The following MFSD1 variants were observed in gnomAD, a reference collection of about 807,000 sequenced individuals.
The protein encoded by MFSD1 is major facilitator superfamily domain containing 1, also known as lysosomal dipeptide transporter MFSD1.
MFSD1 carries 59 observed loss-of-function variants against 67.1 expected under a neutral mutation model. That is an observed-to-expected ratio of 0.88 (90% CI 0.71 to 1.09). The LOEUF is 1.09. Among genes scored for constraint, MFSD1 ranks in the 50% least tolerant of loss-of-function variants. The pLI, the probability that MFSD1 is intolerant of heterozygous loss-of-function variation, is 0.00. For missense variants in MFSD1, 552 were observed against 566.1 expected, an observed-to-expected ratio of 0.97 and a Z score of 0.25; for synonymous variants, 213 against 200.3, an observed-to-expected ratio of 1.06 and a Z score of -0.54.
At chr3:158,808,834 G>A (rs1729856296) in intron 5 of MFSD1, among the ~76,000 whole-genome samples, 2 of 152,136 alleles carry the variant, frequency 1.3e-5, no homozygotes, top group African/African-American at 4.8e-5. Context: ...ACCTGGACTG[G>A]GATGCCTCAA....
Position 158,823,511 on chromosome 3 carries a change from A to G in MFSD1, c.1161A>G (p.Gly387=), listed in dbSNP as rs1459632940. 6.2e-7 allele frequency: 1 copy of G among 1,610,806 alleles called. No individual in the cohort carries two copies. The highest frequency in any genetic ancestry group is 1.3e-5 in the African/African-American group (1 of 74,832). ...VAFVVPEHQL[G]TAYGFMQSIQ... is the part of the protein sequence containing the mutation. ...TTGTAGTTCCTGAACATCAGCTGGGAACTGCATATGGCTTGTAAGTATTTA... is the reference window on the plus strand; with the variant it reads ...TTGTAGTTCCTGAACATCAGCTGGGGACTGCATATGGCTTGTAAGTATTTA... The change falls in exon 12 of 16, where the codon GGA becomes GGG. Residue 387 remains glycine, a synonymous_variant. Coordinates refer to ENST00000415822, the MANE Select transcript of MFSD1 (RefSeq NM_022736.4).
intron 11 of MFSD1, chr3:158,822,597 T>A (rs182927312): frequency 3.2e-5 from 5 of 154,022 alleles, no homozygotes; most frequent in African/African-American, 1.2e-4. Context: ...ACATCATTTT[T>A]AAGACCCGAG....
At chr3:158,804,842 G>A (rs964190590) in intron 2 of MFSD1, among the ~76,000 whole-genome samples, 2 of 152,180 alleles carry the variant, frequency 1.3e-5, no homozygotes, top group African/African-American at 4.8e-5. Context: ...GATATTTACA[G>A]TTTTTTGGGT....
Position 158,829,164 on chromosome 3 carries a change from A to G in MFSD1, c.*182A>G. Reference sequence around the variant, plus strand: ...GCCTGTTTTAGCCTGTGTCTTTTGTATTGTGTGTTGCTAAAGAATTCTACT... The same window carrying G: ...GCCTGTTTTAGCCTGTGTCTTTTGTGTTGTGTGTTGCTAAAGAATTCTACT... On this transcript the variant is annotated 3_prime_UTR_variant, in exon 16 of 16. Transcript: ENST00000415822. 7.0e-6 allele frequency: 3 copies of G among 430,096 alleles called. No homozygotes were observed. Among genetic ancestry groups the G allele is most frequent in the East Asian group, 3.8e-5 (1 of 26,610 alleles). The allele number at this position is 430,096 out of a possible 1,614,324, so 26.6% of individuals were successfully genotyped here.
In MFSD1 at chr3:158,821,996, C is replaced by G; in HGVS notation, c.933C>G (p.Val311=). 1 of 1,613,646 alleles carries G rather than the reference C, an allele frequency of 6.2e-7. No individual in the cohort carries two copies. Among genetic ancestry groups the G allele is most frequent in the Non-Finnish European group, 8.5e-7 (1 of 1,179,694 alleles). ...GTTCTCTGGGCAGTGTTGTATATGTCATATCAGCTCCCATGTCCCCGGTGT... is the reference window on the plus strand; with the variant it reads ...GTTCTCTGGGCAGTGTTGTATATGTGATATCAGCTCCCATGTCCCCGGTGT... ...AASAINSVVY[V]ISAPMSPVFG... is the part of the protein sequence containing the mutation. The change falls in exon 11 of 16, where the codon GTC becomes GTG. Residue 311 remains valine, a synonymous_variant. Transcript: ENST00000415822.
At chr3:158,802,470 C>G in intron 1 of MFSD1, 155 bp downstream of exon 1, 3 of 872,160 alleles carry the variant, frequency 3.4e-6, no homozygotes, top group Non-Finnish European at 5.6e-6. Context: ...GCGATCGATT[C>G]CAGCCACACC....
chr3:158,819,822 T>G (rs1048703687), intron 8 of MFSD1, 75 bp downstream of exon 8: 2 of 775,162 alleles, frequency 2.6e-6, no homozygotes, highest in Non-Finnish European at 4.2e-6. Flanking sequence ...TCTAAGTTCC[T>G]AATGAAGTGT....
rs1731211317 is a variant in MFSD1, at chr3:158,829,629, T to C, written c.*647T>C. On this transcript the variant is annotated 3_prime_UTR_variant, in exon 16 of 16. Coordinates refer to ENST00000415822, the MANE Select transcript of MFSD1 (RefSeq NM_022736.4). ...TTTATAGTATAAACTTTCTGTACAG[T>C]TTTTCTTATAGTCTAATAAGTAAAA... 1 of 152,210 alleles carries C rather than the reference T, an allele frequency of 6.6e-6. No homozygotes were observed. Among genetic ancestry groups the C allele is most frequent in the Admixed American group, 6.5e-5 (1 of 15,284 alleles). The allele number at this position is 152,210 out of a possible 1,614,324, so 9.4% of individuals were successfully genotyped here. A position where few individuals can be genotyped will look rare whatever the true frequency, so the allele number is the denominator to read the frequency against.
intron 6 of MFSD1, among the ~76,000 whole-genome samples, chr3:158,810,874 A>G (rs1729972326): frequency 6.6e-6 from 1 of 152,210 alleles, no homozygotes; most frequent in South Asian, 2.1e-4. Context: ...TTTGCCTATA[A>G]GGATATTCCC....
rs1045164913 is a variant in MFSD1, at chr3:158,805,345, A to G, written c.217-17A>G. ...TAACTGTTTGGAAAAAAATAGTTTT[A>G]TTTTCTTTTCATATAGGATATGCAA... On this transcript the variant is annotated splice_polypyrimidine_tract_variant and intron_variant, in intron 2 of 15. Coordinates refer to ENST00000415822, the MANE Select transcript of MFSD1 (RefSeq NM_022736.4). The G allele has an allele frequency of 1.1e-5, 18 of 1,582,582 alleles. No individual in the cohort carries two copies. Among genetic ancestry groups the G allele is most frequent in the Non-Finnish European group, 1.5e-5 (17 of 1,151,494 alleles).
intron 7 of MFSD1, among the ~76,000 whole-genome samples, chr3:158,818,229 T>A (rs538421672): frequency 6.6e-6 from 1 of 152,316 alleles, no homozygotes; most frequent in South Asian, 2.1e-4. Context: ...AATTTTTAAA[T>A]TGACACATAA....
Position 158,805,453 on chromosome 3 carries a change from T to C in MFSD1, c.308T>C (p.Ile103Thr). Residue 103 changes from isoleucine (I) to threonine (T), a missense_variant, in exon 3 of 16, where the codon ATA becomes ACA. By Grantham distance (89) the Ile-to-Thr change is moderately conservative. Coordinates refer to ENST00000415822, the MANE Select transcript of MFSD1 (RefSeq NM_022736.4). ...TTGTGTTTCTTTGGTGGCTTTTTGA[T>C]AGACCGAGTATTTGGAATACGGTAA... ...VVLCFFGGFL[I>T]DRVFGIRWGT... is the part of the protein sequence containing the mutation. 1 of 1,613,176 alleles carries C rather than the reference T, an allele frequency of 6.2e-7. No homozygotes were observed. Among genetic ancestry groups the C allele is most frequent in the Non-Finnish European group, 8.5e-7 (1 of 1,179,120 alleles).
intron 13 of MFSD1, 40 bp downstream of exon 13, chr3:158,824,276 C>A (rs760237725): frequency 2.9e-6 from 4 of 1,367,144 alleles, no homozygotes; most frequent in Non-Finnish European, 4.1e-6. Flanking sequence ...TCTTTTACTA[C>A]ATAACAGAAT....
chr3:158,813,942 T>G (rs779977668), intron 6 of MFSD1, 23 bp from the exon 7 acceptor site: 6 of 1,500,374 alleles, frequency 4.0e-6, no homozygotes, highest in Admixed American at 1.7e-5. Context: ...AATGCTGTTG[T>G]TTTTTTTTCC....
At chr3:158,827,171 C>A in intron 14 of MFSD1, 109 bp from the exon 15 acceptor site, 2 of 637,076 alleles carry the variant, frequency 3.1e-6, no homozygotes, top group Non-Finnish European at 5.3e-6. Context: ...TTTTCTATTA[C>A]TTAAAATACA....
intron 7 of MFSD1, 61 bp from the exon 8 acceptor site, chr3:158,819,588 G>T: frequency 3.2e-6 from 3 of 950,054 alleles, no homozygotes; most frequent in South Asian, 1.6e-5. Flanking sequence ...TTCTCCTTAG[G>T]AACCTTCTGT....
At chr3:158,823,364 A>AT (rs1259546733) in intron 11 of MFSD1, 64 bp from the exon 12 acceptor site, 1 of 1,134,604 alleles carries the variant, frequency 8.8e-7, no homozygotes, top group Non-Finnish European at 1.3e-6. Context: ...GCTAATCTGC[A>AT]TTAAAGGAAA....
chr3:158,804,284 GTAT>G lies in MFSD1; in HGVS notation c.164-29_164-27del, dbSNP rs765024390. 1.1e-5 allele frequency: 16 copies of G among 1,517,598 alleles called. No homozygotes were observed. In the African/African-American group the frequency reaches 1.9e-4, roughly 18 times the overall value. 94.0% of individuals were successfully genotyped at this position (1,517,598 alleles called of 1,614,324 possible). A position where few individuals can be genotyped will look rare whatever the true frequency, so the allele number is the denominator to read the frequency against. ...GCAACTTGAAACTTTTATATGGGAA[GTAT>G]TATTACTTATAAAGTATTTGCTCTT... On this transcript the variant is annotated intron_variant, in intron 1 of 15. Transcript: ENST00000415822.
intron 5 of MFSD1, 113 bp from the exon 6 acceptor site, chr3:158,809,066 A>G: frequency 1.5e-6 from 1 of 662,784 alleles, no homozygotes; most frequent in Non-Finnish European, 2.5e-6. Context: ...GAGGGGACAG[A>G]GGCCCCATCT....
Sources: allele counts gnomAD v4.1 joint callset (sites outside exome capture counted in the v4.1 genomes callset), GRCh38; gene constraint gnomAD v4.1.1; transcripts MANE v1.5; gene names NCBI Gene and HGNC (gene_info 2026-07-23, HGNC 2026-07-21).